The following EPHA3 variants were observed in gnomAD, a reference collection of about 807,000 sequenced individuals.
EPHA3 encodes the protein ephrin type-A receptor 3.
Under a neutral mutation model 107.1 loss-of-function variants are expected in EPHA3, and 42 were observed. The ratio of observed to expected loss-of-function variants is 0.39; its 90% CI spans 0.31 to 0.51. The LOEUF is 0.51. EPHA3 is among the 20% of genes least tolerant of loss of function. The pLI is 0.78. For missense variants in EPHA3, 1,183 were observed against 1,211.2 expected (o/e 0.98, Z 0.35); for synonymous variants, 461 against 424.8 (o/e 1.09, Z -1.05).
intron 2 of EPHA3, among the ~76,000 whole-genome samples, chr3:89,168,020 G>C (rs1001767098): frequency 6.6e-6 from 1 of 152,002 alleles, no homozygotes; most frequent in Non-Finnish European, 1.5e-5. Context: ...GTACCTAAAA[G>C]TCACTAAGAC....
At chr3:89,203,350 C>CA (rs201802144) in intron 2 of EPHA3, among the ~76,000 whole-genome samples, 1,883 of 145,726 alleles carry the variant, frequency 0.013, 42 homozygotes, top group African/African-American at 0.043. Context: ...CAAAACAAAA[C>CA]AAAAAAAAAA....
At chr3:89,233,149 C>T (rs977148236) in intron 3 of EPHA3, among the ~76,000 whole-genome samples, 2 of 151,860 alleles carry the variant, frequency 1.3e-5, no homozygotes, top group African/African-American at 4.8e-5. Context: ...AGCTTTTTGT[C>T]CAGAGTATTT....
intron 3 of EPHA3, among the ~76,000 whole-genome samples, chr3:89,260,068 C>T (rs1189316176): frequency 2.0e-5 from 3 of 152,140 alleles, no homozygotes; most frequent in Non-Finnish European, 2.9e-5. Context: ...TTTTCTTTAT[C>T]CTTTCTTCTG....
chr3:89,178,391 G>A lies in EPHA3; in HGVS notation c.154-31469G>A, dbSNP rs540829187. Among the ~76,000 whole-genome samples the A allele has an allele frequency of 4.6e-5, 7 of 152,112 alleles. No homozygotes were observed. In the South Asian group the frequency reaches 1.2e-3, roughly 27 times the overall value. On this transcript the variant is annotated intron_variant, in intron 2 of 16. Coordinates refer to ENST00000336596, the MANE Select transcript of EPHA3 (RefSeq NM_005233.6). ...GTATAAAGAAATGCTGTTAGCATAC[G>A]TATAATTACACATACATTATTGTTG...
intron 3 of EPHA3, among the ~76,000 whole-genome samples, chr3:89,292,287 A>G (rs569845585): frequency 1.3e-5 from 2 of 152,310 alleles, no homozygotes; most frequent in South Asian, 2.1e-4. Context: ...ATTTTAATAT[A>G]CAGTATAACT....
At position 89,419,482 on chromosome 3, in the gene EPHA3, T is replaced by C. The variant is rs1047897923; in HGVS notation, c.2074+92T>C. The C allele has an allele frequency of 1.6e-5, 18 of 1,121,570 alleles. No homozygotes were observed. The African/African-American group carries it at 2.7e-4, about 17-fold the overall frequency. 69.5% of individuals were successfully genotyped at this position (1,121,570 alleles called of 1,614,324 possible). On this transcript the variant is annotated intron_variant, in intron 11 of 16. Coordinates refer to ENST00000336596, the MANE Select transcript of EPHA3 (RefSeq NM_005233.6). ...AACCATTTAAGAATTTTGGCTTTTT[T>C]TCATAAGTATCTCAGTTTTACCAAA...
Position 89,136,270 on chromosome 3 carries a change from G to A in EPHA3, c.153+8997G>A, listed in dbSNP as rs897339526. Among the ~76,000 whole-genome samples, 9 of 141,324 alleles carry A rather than the reference G, an allele frequency of 6.4e-5. No individual in the cohort carries two copies. In the Admixed American group the frequency reaches 6.8e-4, roughly 11 times the overall value. 92.7% of individuals were successfully genotyped at this position (141,324 alleles called of 152,430 possible). A position where few individuals can be genotyped will look rare whatever the true frequency, so the allele number is the denominator to read the frequency against. ...TAAGTATGTCACTTTCACCTATTAT[G>A]CTGACCTTTCAAGGAAGGATGTCTG... On this transcript the variant is annotated intron_variant, in intron 2 of 16. Transcript: ENST00000336596.
intron 15 of EPHA3, among the ~76,000 whole-genome samples, chr3:89,467,126 T>A (rs1321538005): frequency 6.6e-6 from 1 of 152,152 alleles, no homozygotes; most frequent in African/African-American, 2.4e-5. Context: ...GTGATAAAGA[T>A]CAAGGTCATC....
intron 3 of EPHA3, among the ~76,000 whole-genome samples, chr3:89,340,410 A>G (rs922378948): frequency 2.6e-5 from 4 of 152,232 alleles, no homozygotes; most frequent in Non-Finnish European, 5.9e-5. Flanking sequence ...CATGAAAATT[A>G]TTTATCAAGA....
intron 11 of EPHA3, among the ~76,000 whole-genome samples, chr3:89,427,542 G>T (rs981355953): frequency 6.6e-6 from 1 of 151,960 alleles, no homozygotes; most frequent in African/African-American, 2.4e-5. Context: ...ACGTCTTCTG[G>T]ACTTGGAAAA....
Position 89,397,083 on chromosome 3 carries a change from C to T in EPHA3, c.1431+1122C>T, listed in dbSNP as rs58682141. On this transcript the variant is annotated intron_variant, in intron 6 of 16. Coordinates refer to ENST00000336596, the MANE Select transcript of EPHA3 (RefSeq NM_005233.6). ...TTGGCATAATCAACTGTGCAAACTG[C>T]GTAATGTAAAAACATTGTTTTGCAT... Among the ~76,000 whole-genome samples the T allele has an allele frequency of 4.0e-3, 606 of 152,118 alleles. 4 individuals carry two copies. The highest frequency in any genetic ancestry group is 5.7e-3 in the Non-Finnish European group (391 of 68,014).
At chr3:89,189,736 C>T (rs1210898280) in intron 2 of EPHA3, among the ~76,000 whole-genome samples, 2 of 152,140 alleles carry the variant, frequency 1.3e-5, no homozygotes, top group African/African-American at 4.8e-5. Flanking sequence ...AAAACAGAAC[C>T]CTTGCTTTCA....
At chr3:89,174,393 T>C (rs1705275979) in intron 2 of EPHA3, among the ~76,000 whole-genome samples, 1 of 152,040 alleles carries the variant, frequency 6.6e-6, no homozygotes, top group Non-Finnish European at 1.5e-5. Flanking sequence ...TATTTCATTA[T>C]TGTTTTTATC....
rs573002716 is a variant in EPHA3, at chr3:89,170,136, A to G, written c.154-39724A>G. On this transcript the variant is annotated intron_variant, in intron 2 of 16. Coordinates refer to ENST00000336596, the MANE Select transcript of EPHA3 (RefSeq NM_005233.6). ...CGTGGTGGTGGGCGCCTGTGGTCCC[A>G]GCTGCTCTGCTCGGGAGGCTGAGGC... 2.0e-5 allele frequency among the ~76,000 whole-genome samples: 3 copies of G among 152,132 alleles called. No individual in the cohort carries two copies. The South Asian group carries it at 6.2e-4, about 32-fold the overall frequency.
At chr3:89,179,634 A>G (rs1413271227) in intron 2 of EPHA3, among the ~76,000 whole-genome samples, 4 of 148,936 alleles carry the variant, frequency 2.7e-5, no homozygotes, top group Non-Finnish European at 5.9e-5. Flanking sequence ...GCTAAGTGTT[A>G]TGTTCAAATG....
chr3:89,329,001 C>T (rs1023151141), intron 3 of EPHA3, among the ~76,000 whole-genome samples: 1 of 152,116 alleles, frequency 6.6e-6, no homozygotes, highest in African/African-American at 2.4e-5. Flanking sequence ...AACTAACTCC[C>T]TTTCCCACCC....
intron 11 of EPHA3, among the ~76,000 whole-genome samples, chr3:89,421,126 T>G (rs1709344962): frequency 1.3e-5 from 2 of 151,440 alleles, no homozygotes; most frequent in African/African-American, 4.8e-5. Flanking sequence ...ATATCGTTAC[T>G]TTAAAAATCT....
intron 7 of EPHA3, among the ~76,000 whole-genome samples, chr3:89,406,176 G>C (rs1559684139): frequency 6.6e-6 from 1 of 152,150 alleles, no homozygotes. Flanking sequence ...GAATGATTAG[G>C]AGATGGAGAG....
chr3:89,469,617 C>T (rs562314700), intron 15 of EPHA3, among the ~76,000 whole-genome samples: 6 of 152,198 alleles, frequency 3.9e-5, no homozygotes, highest in South Asian at 2.1e-4. Flanking sequence ...TTTAAGTGTG[C>T]GCAGAGCTGG....
Sources: allele counts gnomAD v4.1 joint callset (sites outside exome capture counted in the v4.1 genomes callset), GRCh38; gene constraint gnomAD v4.1.1; transcripts MANE v1.5; gene names NCBI Gene and HGNC (gene_info 2026-07-23, HGNC 2026-07-21).